The following PRDM10 variants were observed in gnomAD, a reference collection of about 807,000 sequenced individuals.
PRDM10 encodes the protein PR/SET domain 10.
In PRDM10, 65 loss-of-function variants were observed where a neutral mutation model predicts 133.1. That is an observed-to-expected ratio of 0.49 (90% CI 0.40 to 0.60). The LOEUF (loss-of-function observed/expected upper bound fraction) is 0.60. Ranked by LOEUF, PRDM10 falls within the 20% of genes least tolerant of loss-of-function variation. The pLI is 0.00. For missense variants in PRDM10, 1,137 were observed against 1,507.1 expected (o/e 0.75, Z 4.07); for synonymous variants, 582 against 580.4 (o/e 1.00, Z -0.04).
chr11:129,987,819 T>C (rs1193227491), intron 1 of PRDM10, among the ~76,000 whole-genome samples: 2 of 152,092 alleles, frequency 1.3e-5, no homozygotes, highest in Non-Finnish European at 2.9e-5. Flanking sequence ...GCTAACACGG[T>C]GAAACCTCGT....
chr11:129,964,983 A>G (rs535299298), intron 1 of PRDM10, among the ~76,000 whole-genome samples: 1 of 152,332 alleles, frequency 6.6e-6, no homozygotes, highest in East Asian at 1.9e-4. Flanking sequence ...GAGCTTCAGA[A>G]TTTTCAAAAC....
In PRDM10 at chr11:129,932,058, T is replaced by A. The variant is rs771890350; in HGVS notation, c.1287+44A>T. 9 of 1,592,352 alleles carry A rather than the reference T, an allele frequency of 5.7e-6. No homozygotes were observed. In the South Asian group the frequency reaches 1.0e-4, roughly 18 times the overall value. On this transcript the variant is annotated intron_variant, in intron 10 of 20. Transcript: ENST00000360871. ...GTCTCGTCAGGGATCTGGCGAGTCCTCCACACAAGCACCTAAGGAGGGCTC... is the reference window on the plus strand; with the variant it reads ...GTCTCGTCAGGGATCTGGCGAGTCCACCACACAAGCACCTAAGGAGGGCTC...
chr11:129,938,835 C>T (rs927646496), intron 7 of PRDM10, among the ~76,000 whole-genome samples: 1 of 152,208 alleles, frequency 6.6e-6, no homozygotes. Context: ...ATCTCCCCAA[C>T]CTGGAAAAGC....
chr11:129,974,621 G>T (rs1045415262), intron 1 of PRDM10, among the ~76,000 whole-genome samples: 1 of 152,190 alleles, frequency 6.6e-6, no homozygotes, highest in Non-Finnish European at 1.5e-5. Context: ...ATTCCCATGA[G>T]CAAGACCTCC....
At chr11:129,971,760 G>T (rs974027155) in intron 1 of PRDM10, among the ~76,000 whole-genome samples, 31 of 152,262 alleles carry the variant, frequency 2.0e-4, no homozygotes, top group Admixed American at 1.2e-3. Context: ...CAGGAGCCCA[G>T]CTGGCTTCAC....
At position 129,947,063 on chromosome 11, in the gene PRDM10, G is replaced by T; in HGVS notation, c.520+82C>A. 6.5e-7 allele frequency: 1 copy of T among 1,547,416 alleles called. No homozygotes were observed. Reference sequence around the variant, plus strand: ...ACACGGAAGGACCTGACGCACGGGAGCTATGTTCACACACACGCACACGTA... The same window carrying T: ...ACACGGAAGGACCTGACGCACGGGATCTATGTTCACACACACGCACACGTA... On this transcript the variant is annotated intron_variant, in intron 5 of 20. Transcript: ENST00000360871. This position sits in a 1 kb window ranked among gnomAD's most constrained non-coding sequence, Gnocchi z 4.6.
chr11:129,916,922 A>T (rs1315893747), intron 15 of PRDM10, among the ~76,000 whole-genome samples: 1 of 152,208 alleles, frequency 6.6e-6, no homozygotes, highest in East Asian at 1.9e-4. Flanking sequence ...AAGAAAAATG[A>T]AGTCAACTAT....
chr11:129,983,715 GACTA>G (rs1375657396), intron 1 of PRDM10, among the ~76,000 whole-genome samples: 3 of 152,218 alleles, frequency 2.0e-5, no homozygotes, highest in Admixed American at 6.5e-5. Flanking sequence ...GGATGGAATA[GACTA>G]ACTGAAAGGA....
intron 1 of PRDM10, among the ~76,000 whole-genome samples, chr11:129,964,037 T>C (rs1040584669): frequency 2.6e-5 from 4 of 152,182 alleles, no homozygotes; most frequent in African/African-American, 9.7e-5. Flanking sequence ...TTTAAGTTTG[T>C]CTGATGTTTC....
chr11:129,946,243 C>A (rs1375259525), intron 5 of PRDM10, among the ~76,000 whole-genome samples: 1 of 151,620 alleles, frequency 6.6e-6, no homozygotes. Context: ...GACCAAGACC[C>A]TGTCTCAAAA....
chr11:129,904,160 A>T (rs1200013962), intron 20 of PRDM10, among the ~76,000 whole-genome samples: 1 of 151,324 alleles, frequency 6.6e-6, no homozygotes, highest in Non-Finnish European at 1.5e-5. Flanking sequence ...TATACTAAAA[A>T]AAAAAAAAAA....
chr11:129,954,401 T>G (rs968829467), intron 4 of PRDM10, among the ~76,000 whole-genome samples: 2 of 151,812 alleles, frequency 1.3e-5, no homozygotes, highest in Admixed American at 1.3e-4. Context: ...TAACTGGGAT[T>G]ACAGGCACCC....
In PRDM10 at chr11:129,914,758, C is replaced by T. The variant is rs750585931; in HGVS notation, c.2787G>A (p.Ala929=). 24 of 1,614,228 alleles carry T rather than the reference C, an allele frequency of 1.5e-5. No individual in the cohort carries two copies. Among genetic ancestry groups the T allele is most frequent in the East Asian group, 2.2e-5 (1 of 44,880 alleles). ...TGTGCTGAGGCTGCTGGAGGCCAGA[C>T]GCCGACTGCGACACAGGGATGTACT... ...RIQYIPVSQS[A]SGLQQPQHIQ... Residue 929 remains alanine (A), a synonymous_variant, in exon 17 of 21, where the codon GCG becomes GCA. Coordinates refer to ENST00000360871, the MANE Select transcript of PRDM10 (RefSeq NM_199437.2).
Position 129,924,896 on chromosome 11 carries a change from G to C in PRDM10, c.1864C>G (p.Pro622Ala). The change falls in exon 12 of 21, where the codon CCA becomes GCA. Residue 622 changes from proline (P) to alanine (A), a missense_variant. Around this residue, in one of 6 missense-constraint regions of PRDM10, gnomAD observed 635 missense variants for 835.2 expected, o/e 0.76. Transcript: ENST00000360871. ...TAGACACTCACCTGGATAAAATCTGGGAACCGTTTCTTACAAGTTGGGCAG... is the reference window on the plus strand; with the variant it reads ...TAGACACTCACCTGGATAAAATCTGCGAACCGTTTCTTACAAGTTGGGCAG... ...FTCPTCKKRF[P>A]DFIQVKKHVR... 1 of 1,602,762 alleles carries C rather than the reference G, an allele frequency of 6.2e-7. No individual in the cohort carries two copies. Among genetic ancestry groups the C allele is most frequent in the Non-Finnish European group, 8.5e-7 (1 of 1,174,762 alleles).
intron 20 of PRDM10, among the ~76,000 whole-genome samples, chr11:129,905,334 G>A (rs1591562896): frequency 1.5e-5 from 2 of 135,846 alleles, no homozygotes; most frequent in East Asian, 4.3e-4. Flanking sequence ...CTGCACTCCA[G>A]CCTGGCGACA....
chr11:129,954,350 C>T (rs567002729), intron 4 of PRDM10, among the ~76,000 whole-genome samples: 159 of 149,892 alleles, frequency 1.1e-3, no homozygotes, highest in Non-Finnish European at 1.7e-3. Flanking sequence ...GCAACCTCCA[C>T]CTCCCAGGTT....
At chr11:129,940,055 A>C (rs185632140) in intron 7 of PRDM10, among the ~76,000 whole-genome samples, 1 of 152,250 alleles carries the variant, frequency 6.6e-6, no homozygotes, top group Admixed American at 6.5e-5. Flanking sequence ...TCAAACAGTG[A>C]TGCAGGAAAA....
At chr11:129,929,095 T>C (rs1465855338) in intron 11 of PRDM10, among the ~76,000 whole-genome samples, 1 of 152,214 alleles carries the variant, frequency 6.6e-6, no homozygotes, top group African/African-American at 2.4e-5. Flanking sequence ...GAAAATTCTA[T>C]TGTGTACCTA....
chr11:129,990,433 A>G (rs1004943699), intron 1 of PRDM10, among the ~76,000 whole-genome samples: 7 of 151,522 alleles, frequency 4.6e-5, no homozygotes, highest in Non-Finnish European at 7.4e-5. Context: ...GAGGCCTAAG[A>G]ATCACTTGAA....
Sources: gnomAD v4.1 joint callset for allele counts (sites outside exome capture counted in the v4.1 genomes callset) on GRCh38, gnomAD v4.1.1 for gene constraint, gnomAD v4.1.1 regional missense constraint, Gnocchi (gnomAD v3.1) non-coding constraint, MANE v1.5 for transcripts, NCBI Gene and HGNC (gene_info 2026-07-23, HGNC 2026-07-21) for gene names.